The following ABR variants were observed in gnomAD, a reference collection of about 807,000 sequenced individuals.
The protein encoded by ABR is ABR activator of RhoGEF and GTPase.
Under a neutral mutation model 107.2 loss-of-function variants are expected in ABR, and 35 were observed. That is an observed-to-expected ratio of 0.33 (90% CI 0.25 to 0.43). The LOEUF is 0.43. ABR is among the 20% of genes least tolerant of loss of function. ABR has a pLI of 1.00. For missense variants in ABR, 815 were observed against 1,115.2 expected, an observed-to-expected ratio of 0.73 and a Z score of 3.83; for synonymous variants, 498 against 462.0, an observed-to-expected ratio of 1.08 and a Z score of -1.00.
At chr17:1,081,381 G>A in intron 5 of ABR, among the ~76,000 whole-genome samples, 1 of 151,994 alleles carries the variant, frequency 6.6e-6, no homozygotes, top group East Asian at 2.0e-4. Flanking sequence ...GGCCTCTCCA[G>A]CCACTTGACT....
At chr17:1,192,437 A>C (rs923110233) in intron 1 of ABR, among the ~76,000 whole-genome samples, 1 of 152,208 alleles carries the variant, frequency 6.6e-6, no homozygotes, top group Non-Finnish European at 1.5e-5. Flanking sequence ...TGGAGGGGGC[A>C]GGAGGGAGGT....
At chr17:1,079,446 C>T in intron 5 of ABR, 56 bp from the exon 6 acceptor site, 2 of 1,506,484 alleles carry the variant, frequency 1.3e-6, no homozygotes, top group Non-Finnish European at 1.8e-6. Context: ...TCTCCCAGCC[C>T]CCACTGTGAG....
In ABR at chr17:1,157,297, C is replaced by T. The variant is rs996186692; in HGVS notation, c.61+22370G>A. Among the ~76,000 whole-genome samples the T allele has an allele frequency of 6.7e-6, 1 of 148,692 alleles. No individual in the cohort carries two copies. The highest frequency in any genetic ancestry group is 1.5e-5 in the Non-Finnish European group (1 of 67,696). On this transcript the variant is annotated intron_variant, in intron 1 of 22. Coordinates refer to ENST00000302538, the MANE Select transcript of ABR (RefSeq NM_021962.5). This position sits in a 1 kb window ranked among gnomAD's most constrained non-coding sequence, Gnocchi z 4.7. ...ATGAAGTCTCACTCTGTCGCCCAGG[C>T]TGGAGTGCAAAGGTGCAACCTTAGC...
chr17:1,127,286 G>A (rs2039642963), intron 1 of ABR, among the ~76,000 whole-genome samples: 1 of 151,770 alleles, frequency 6.6e-6, no homozygotes, highest in African/African-American at 2.4e-5. Context: ...ACCCAGGGAT[G>A]CCCCATCACT....
In ABR at chr17:1,004,864, G is replaced by C. The variant is rs1567546415; in HGVS notation, c.*1216C>G. 1.5e-5 allele frequency: 6 copies of C among 396,070 alleles called. No individual in the cohort carries two copies. The highest frequency in any genetic ancestry group is 2.7e-5 in the Non-Finnish European group (6 of 224,808). The allele number at this position is 396,070 out of a possible 1,614,324, so 24.5% of individuals were successfully genotyped here. On this transcript the variant is annotated 3_prime_UTR_variant, in exon 23 of 23. Coordinates refer to ENST00000302538, the MANE Select transcript of ABR (RefSeq NM_021962.5). ...CGTGGGCCTGTGCCTTTGCTTCCCAGGTCCTGGAGGACCGTGGCAGTGCTT... is the reference window on the plus strand; with the variant it reads ...CGTGGGCCTGTGCCTTTGCTTCCCACGTCCTGGAGGACCGTGGCAGTGCTT...
At chr17:1,198,540 C>T (rs564170838) in intron 1 of ABR, among the ~76,000 whole-genome samples, 4 of 151,228 alleles carry the variant, frequency 2.6e-5, no homozygotes, top group Non-Finnish European at 4.4e-5. Context: ...ATCAGGAGTT[C>T]GAGACCAGCC....
chr17:1,188,450 TG>T (rs1382232361), upstream of ABR, among the ~76,000 whole-genome samples: 1 of 151,720 alleles, frequency 6.6e-6, no homozygotes, highest in African/African-American at 2.4e-5. Flanking sequence ...CTCAGGAGGC[TG>T]AGGCAGGAGA....
chr17:1,112,957 A>ACCCAATCAGCAAGCAGTTGTTAACCG (rs1567779516), intron 2 of ABR, among the ~76,000 whole-genome samples: 12,887 of 122,670 alleles, frequency 0.11, 1,274 homozygotes, highest in Middle Eastern at 0.18. Context: ...TTTGTTAACC[A>ACCCAATCAGCAAGCAGTTGTTAACCG]CCTGACCCAA....
chr17:1,106,727 A>C (rs139426761), intron 2 of ABR, among the ~76,000 whole-genome samples: 1,904 of 152,024 alleles, frequency 0.013, 36 homozygotes, highest in African/African-American at 0.044. Context: ...ATGTGGTTTC[A>C]CTATATTGGT....
At chr17:1,227,001 GA>G (rs1450691575) in intron 1 of ABR, among the ~76,000 whole-genome samples, 9 of 152,194 alleles carry the variant, frequency 5.9e-5, no homozygotes, top group Admixed American at 4.6e-4. Context: ...TTGCCCTGCA[GA>G]GGGGGCTGGA....
intron 2 of ABR, 72 bp downstream of exon 2, chr17:1,125,111 G>A (rs2151450391): frequency 6.8e-7 from 1 of 1,464,424 alleles, no homozygotes; most frequent in South Asian, 1.4e-5. Context: ...ACCCAAGCAG[G>A]GCCTGGCCCA....
intron 13 of ABR, 94 bp from the exon 14 acceptor site, chr17:1,056,203 T>A: frequency 9.2e-7 from 1 of 1,088,466 alleles, no homozygotes; most frequent in South Asian, 1.3e-5. Flanking sequence ...GGTATGAGAC[T>A]CAGCTGAGTC....
rs144011508 is a variant in ABR, at chr17:1,117,113, GT to G, written c.246+8069del. On this transcript the variant is annotated intron_variant, in intron 2 of 22. Transcript: ENST00000302538. The stretch of plus-strand genomic sequence containing the variant: ...CTCCCAGCGTTATCCCTGAGCCTGA[GT>G]TCCTCCCAGCGTTATCCCTGAGCCT... Among the ~76,000 whole-genome samples the G allele has an allele frequency of 5.5e-4, 49 of 89,770 alleles. 3 individuals are homozygous for G. The highest frequency in any genetic ancestry group is 6.7e-4 in the Non-Finnish European group (26 of 38,794). The allele number at this position is 89,770 out of a possible 152,430, so 58.9% of individuals were successfully genotyped here. A position where few individuals can be genotyped will look rare whatever the true frequency, so the allele number is the denominator to read the frequency against.
At position 1,035,346 on chromosome 17, in the gene ABR, C is replaced by G. The variant is rs557925454; in HGVS notation, c.1791+14704G>C. On this transcript the variant is annotated intron_variant, in intron 16 of 22. Coordinates refer to ENST00000302538, the MANE Select transcript of ABR (RefSeq NM_021962.5). ...CTTCCATCCCCTAAACCTGCTCCCC[C>G]CCACCCCTTCCACCCCCTACACCTG... Among the ~76,000 whole-genome samples, 4 of 140,040 alleles carry G rather than the reference C, an allele frequency of 2.9e-5. No homozygotes were observed. In the East Asian group the frequency reaches 8.7e-4, roughly 31 times the overall value. 91.9% of individuals were successfully genotyped at this position (140,040 alleles called of 152,430 possible).
At chr17:1,089,885 G>A (rs186852360) in intron 4 of ABR, among the ~76,000 whole-genome samples, 27 of 152,316 alleles carry the variant, frequency 1.8e-4, no homozygotes, top group Middle Eastern at 6.8e-3. Context: ...ACTTGAACCC[G>A]CGAGGAGGAG....
At position 1,078,504 on chromosome 17, in the gene ABR, C is replaced by T. The variant is rs919720540; in HGVS notation, c.700+826G>A. Among the ~76,000 whole-genome samples the T allele has an allele frequency of 4.6e-5, 7 of 152,098 alleles. No homozygotes were observed. Among genetic ancestry groups the T allele is most frequent in the Admixed American group, 1.3e-4 (2 of 15,272 alleles). ...TACTACGTCTGCGGGCACAGCTCGT[C>T]GCCGTCTCTCCCTAACAGCCCCTCC... On this transcript the variant is annotated intron_variant, in intron 6 of 22. Coordinates refer to ENST00000302538, the MANE Select transcript of ABR (RefSeq NM_021962.5). The surrounding 1 kb of genome is among the most constrained non-coding windows in gnomAD (Gnocchi z 7.5).
At chr17:1,182,060 C>G (rs911955901), upstream of ABR, 3 of 152,194 alleles carry the variant, frequency 2.0e-5, no homozygotes, top group Non-Finnish European at 2.9e-5. Flanking sequence ...TTTTTTCTGT[C>G]TACATTCTGT....
At chr17:1,172,129 A>G (rs1239810176) in intron 1 of ABR, among the ~76,000 whole-genome samples, 1 of 152,214 alleles carries the variant, frequency 6.6e-6, no homozygotes, top group Non-Finnish European at 1.5e-5. Context: ...TAAAGCCTGG[A>G]CAAAAAACTG....
upstream of ABR, chr17:1,179,993 G>A (rs956549448): frequency 6.8e-6 from 2 of 293,564 alleles, no homozygotes; most frequent in Admixed American, 5.3e-5. The surrounding 1 kb of genome is among the most constrained non-coding windows in gnomAD (Gnocchi z 4.9). Flanking sequence ...ACTTCGCGGG[G>A]GGCGGGGCGG....
Sources: allele counts gnomAD v4.1 joint callset (sites outside exome capture counted in the v4.1 genomes callset), GRCh38; gene constraint gnomAD v4.1.1; non-coding constraint Gnocchi (gnomAD v3.1); transcripts MANE v1.5; gene names NCBI Gene and HGNC (gene_info 2026-07-23, HGNC 2026-07-21).